PTPRF: variants seen among roughly 807,000 people sequenced by gnomAD.
The protein encoded by PTPRF is protein tyrosine phosphatase receptor type F, also known as receptor-type tyrosine-protein phosphatase F.
Under a neutral mutation model 201.8 loss-of-function variants are expected in PTPRF, and 59 were observed. The ratio of observed to expected loss-of-function variants is 0.29; its 90% CI spans 0.24 to 0.36. The LOEUF (loss-of-function observed/expected upper bound fraction) is 0.36. Ranked by LOEUF, PTPRF falls within the 10% of genes least tolerant of loss-of-function variation. The probability of loss-of-function intolerance (pLI) is 1.00; values close to 1 mark genes in which losing one functional copy is unlikely to be tolerated. For synonymous variants in PTPRF, 1,088 were observed against 1,089.7 expected (o/e 1.00, Z 0.03); for missense variants, 2,132 against 2,690.5 (o/e 0.79, Z 4.59).
In PTPRF at chr1:43,591,207, C is replaced by T. The variant is rs761620666; in HGVS notation, c.1185C>T (p.Ile395=). The change falls in exon 9 of 34, where the codon ATC becomes ATT. Residue 395 remains isoleucine (I), a synonymous_variant. Transcript: ENST00000359947. Reference sequence around the variant, plus strand: ...TCCGCGTGCTGGCGGTGAACAGCATCGGGCGAGGGCCGCCCAGCGAGGCAG... The same window carrying T: ...TCCGCGTGCTGGCGGTGAACAGCATTGGGCGAGGGCCGCCCAGCGAGGCAG... ...YAFRVLAVNS[I]GRGPPSEAVR... 30 of 1,605,570 alleles carry T rather than the reference C, an allele frequency of 1.9e-5. No homozygotes were observed. The highest frequency in any genetic ancestry group is 6.6e-5 in the South Asian group (6 of 90,894).
At chr1:43,530,356 A>G (rs1022780676), upstream of PTPRF, among the ~76,000 whole-genome samples, 1 of 152,036 alleles carries the variant, frequency 6.6e-6, no homozygotes, top group Non-Finnish European at 1.5e-5. The surrounding 1 kb of genome is among the most constrained non-coding windows in gnomAD (Gnocchi z 4.1). Flanking sequence ...GAGCATTAGT[A>G]CAGGGTTCCA....
At chr1:43,574,485 CT>C (rs1646793814) in intron 6 of PTPRF, among the ~76,000 whole-genome samples, 1 of 151,996 alleles carries the variant, frequency 6.6e-6, no homozygotes, top group African/African-American at 2.4e-5. Context: ...TTGGTTTACC[CT>C]TATTACAAAT....
upstream of PTPRF, chr1:43,528,529 A>T (rs1289703148): frequency 6.6e-6 from 1 of 152,210 alleles, no homozygotes; most frequent in Non-Finnish European, 1.5e-5. Context: ...TTATAACTGC[A>T]TGCAAGAGAA....
chr1:43,610,986 T>G (rs557202301), intron 22 of PTPRF, among the ~76,000 whole-genome samples: 4 of 152,366 alleles, frequency 2.6e-5, no homozygotes, highest in African/African-American at 9.6e-5. Context: ...AGATACCAGA[T>G]GTCCACAAAG....
intron 16 of PTPRF, among the ~76,000 whole-genome samples, 172 bp downstream of exon 16, chr1:43,604,361 A>G (rs530373): frequency 0.7 from 106,557 of 152,084 alleles, 37,895 homozygotes; most frequent in African/African-American, 0.74. Context: ...CACATTCTTG[A>G]TGCCTGACCT....
chr1:43,578,083 G>A (rs953819442), intron 6 of PTPRF, among the ~76,000 whole-genome samples: 2 of 152,236 alleles, frequency 1.3e-5, no homozygotes, highest in South Asian at 2.1e-4. Context: ...CCCGATCCTG[G>A]CTCCTGTCTG....
At chr1:43,615,628 G>C (rs539828252) in intron 23 of PTPRF, among the ~76,000 whole-genome samples, 1 of 143,196 alleles carries the variant, frequency 7.0e-6, no homozygotes, top group Non-Finnish European at 1.5e-5. Context: ...GTGCAGTGGC[G>C]TGATCTCGGC....
intron 7 of PTPRF, chr1:43,583,240 G>T: frequency 2.1e-6 from 1 of 469,082 alleles, no homozygotes; most frequent in Non-Finnish European, 2.8e-6. Flanking sequence ...CGGCGGGCAG[G>T]CAGGACCAGG....
At chr1:43,599,276 A>C (rs1011911780) in intron 13 of PTPRF, among the ~76,000 whole-genome samples, 1 of 152,116 alleles carries the variant, frequency 6.6e-6, no homozygotes, top group South Asian at 2.1e-4. Flanking sequence ...GGGTTTCACC[A>C]TATTGGCCAG....
rs567015226 is a variant in PTPRF at position 43,558,394 on chromosome 1, C to T, written c.379+4453C>T. Among the ~76,000 whole-genome samples the T allele has an allele frequency of 5.9e-5, 9 of 152,226 alleles. No individual in the cohort carries two copies. In the South Asian group the frequency reaches 8.3e-4, roughly 14 times the overall value. On this transcript the variant is annotated intron_variant, in intron 5 of 33. Coordinates refer to ENST00000359947, the MANE Select transcript of PTPRF (RefSeq NM_002840.5). ...TCCCACCACAGCCCGTGGGAGTGCCCCCCCAAATCCCCCACAGCCGTGCCC... is the reference window on the plus strand; with the variant it reads ...TCCCACCACAGCCCGTGGGAGTGCCTCCCCAAATCCCCCACAGCCGTGCCC...
chr1:43,616,245 C>T (rs866616531), intron 23 of PTPRF, among the ~76,000 whole-genome samples: 11 of 150,238 alleles, frequency 7.3e-5, no homozygotes, highest in Middle Eastern at 6.8e-3. Flanking sequence ...GAACCTATCT[C>T]GTATGAGAAT....
chr1:43,602,908 A>G (rs1008274333), intron 14 of PTPRF, among the ~76,000 whole-genome samples: 1 of 152,154 alleles, frequency 6.6e-6, no homozygotes, highest in Non-Finnish European at 1.5e-5. Flanking sequence ...AGTGGCCTAT[A>G]TGGGGGCAGC....
intron 7 of PTPRF, among the ~76,000 whole-genome samples, chr1:43,587,943 C>CCAGGCA (rs67294925): frequency 0.054 from 8,175 of 152,256 alleles, 331 homozygotes; most frequent in East Asian, 0.15. Context: ...GAGGTCGTGG[C>CCAGGCA]CAGGCACAGC....
At chr1:43,534,683 A>G (rs886457509) in intron 1 of PTPRF, among the ~76,000 whole-genome samples, 1 of 152,110 alleles carries the variant, frequency 6.6e-6, no homozygotes, top group African/African-American at 2.4e-5. Flanking sequence ...AGGCACATCA[A>G]GGAGGGGCTT....
At chr1:43,532,235 G>T (rs552450430) in intron 1 of PTPRF, among the ~76,000 whole-genome samples, 20 of 152,288 alleles carry the variant, frequency 1.3e-4, no homozygotes, top group South Asian at 4.1e-4. Context: ...CCCCGGAGGG[G>T]GAGGGGCTAG....
At chr1:43,617,343 A>C in intron 23 of PTPRF, 102 bp from the exon 24 acceptor site, 1 of 1,515,930 alleles carries the variant, frequency 6.6e-7, no homozygotes, top group Non-Finnish European at 9.0e-7. Flanking sequence ...TGTGGAGTGA[A>C]GGCAGGATGT....
intron 5 of PTPRF, among the ~76,000 whole-genome samples, chr1:43,568,991 C>T (rs1030032503): frequency 6.6e-6 from 1 of 152,180 alleles, no homozygotes; most frequent in Admixed American, 6.5e-5. Context: ...GCTGCAGTAA[C>T]GAATAGGTCA....
In PTPRF at chr1:43,546,850, C is replaced by A. The variant is rs1043420106; in HGVS notation, c.91+1684C>A. Among the ~76,000 whole-genome samples, 1 of 152,202 alleles carries A rather than the reference C, an allele frequency of 6.6e-6. No homozygotes were observed. The highest frequency in any genetic ancestry group is 1.5e-5 in the Non-Finnish European group (1 of 68,036). On this transcript the variant is annotated intron_variant, in intron 3 of 33. Transcript: ENST00000359947. The surrounding 1 kb of genome is among the most constrained non-coding windows in gnomAD (Gnocchi z 4.2). The stretch of plus-strand genomic sequence containing the variant: ...CTCCTCCCTCCGTGATATCCCACAT[C>A]TAATCCATCACCAAGCTCCGTTGCT...
At chr1:43,544,859 T>C (rs1644563424) in intron 2 of PTPRF, among the ~76,000 whole-genome samples, 172 bp from the exon 3 acceptor site, 1 of 151,556 alleles carries the variant, frequency 6.6e-6, no homozygotes, top group Non-Finnish European at 1.5e-5. Context: ...GCTTGGGTGG[T>C]CACTGGGGTC....
Sources: gnomAD v4.1 joint callset for allele counts (sites outside exome capture counted in the v4.1 genomes callset) on GRCh38, gnomAD v4.1.1 for gene constraint, Gnocchi (gnomAD v3.1) non-coding constraint, MANE v1.5 for transcripts, NCBI Gene and HGNC (gene_info 2026-07-23, HGNC 2026-07-21) for gene names.